TRPC4: variants seen among roughly 807,000 people sequenced by gnomAD.
TRPC4 encodes transient receptor potential cation channel subfamily C member 4, also known as short transient receptor potential channel 4.
TRPC4 carries 49 observed loss-of-function variants against 99.4 expected under a neutral mutation model. That is an observed-to-expected ratio of 0.49 (90% confidence interval 0.39 to 0.63). The LOEUF (loss-of-function observed/expected upper bound fraction) is 0.63, where lower values mean the gene tolerates loss of function less well. TRPC4 is among the 20% of genes least tolerant of loss of function. TRPC4 has a pLI of 0.00. For missense variants in TRPC4, 898 were observed against 1,152.9 expected (o/e 0.78, Z 3.20); for synonymous variants, 454 against 425.9 (o/e 1.07, Z -0.81).
chr13:37,642,721 T>G (rs9547989), intron 8 of TRPC4, among the ~76,000 whole-genome samples: 135 of 150,506 alleles, frequency 9.0e-4, no homozygotes, highest in Non-Finnish European at 1.8e-3. Flanking sequence ...TATGGAAATA[T>G]GATTCTTTCT....
intron 1 of TRPC4, among the ~76,000 whole-genome samples, chr13:37,822,201 C>T (rs1958032708): frequency 1.3e-5 from 2 of 152,094 alleles, no homozygotes; most frequent in Non-Finnish European, 2.9e-5. Context: ...TGAAAGAAGG[C>T]TCAACATCAC....
intron 8 of TRPC4, among the ~76,000 whole-genome samples, chr13:37,643,631 A>G (rs766723220): frequency 1.9e-4 from 29 of 152,202 alleles, no homozygotes; most frequent in Non-Finnish European, 3.1e-4. Flanking sequence ...TTCTGGCAGG[A>G]TAGTTGCAAA....
intron 3 of TRPC4, among the ~76,000 whole-genome samples, chr13:37,728,146 G>A (rs2139068740): frequency 6.6e-6 from 1 of 151,916 alleles, no homozygotes; most frequent in Admixed American, 6.6e-5. Context: ...CGAGGTGCCT[G>A]CTGTCACTGC....
intron 1 of TRPC4, among the ~76,000 whole-genome samples, chr13:37,855,710 C>A (rs1959167759): frequency 6.6e-6 from 1 of 151,652 alleles, no homozygotes; most frequent in African/African-American, 2.4e-5. Flanking sequence ...AATAAAACTA[C>A]AAATCAATAA....
At chr13:37,790,244 G>A (rs919970039) in intron 1 of TRPC4, among the ~76,000 whole-genome samples, 2 of 152,000 alleles carry the variant, frequency 1.3e-5, no homozygotes, top group Admixed American at 1.3e-4. Context: ...TATTAGTAAT[G>A]ACCAACAACT....
chr13:37,865,182 A>G lies in TRPC4; in HGVS notation c.-28+4413T>C, dbSNP rs188153485. ...GATGCATGAATGAGAGCTCCTCTCAAATACCAAGGGACATTAAAATAATTG... is the reference window on the plus strand; with the variant it reads ...GATGCATGAATGAGAGCTCCTCTCAGATACCAAGGGACATTAAAATAATTG... On this transcript the variant is annotated intron_variant, in intron 1 of 10. Transcript: ENST00000379705. 2.0e-5 allele frequency among the ~76,000 whole-genome samples: 3 copies of G among 151,858 alleles called. No homozygotes were observed. The East Asian group carries it at 5.8e-4, about 29-fold the overall frequency.
chr13:37,836,692 G>T (rs918001561), intron 1 of TRPC4, among the ~76,000 whole-genome samples: 10 of 152,172 alleles, frequency 6.6e-5, no homozygotes, highest in Admixed American at 6.5e-5. Flanking sequence ...GGAAAATGGA[G>T]CCTAAAAGTT....
chr13:37,741,935 A>G (rs1955602646), intron 3 of TRPC4, among the ~76,000 whole-genome samples: 1 of 15,666 alleles, frequency 6.4e-5, no homozygotes, highest in African/African-American at 8.9e-4. Flanking sequence ...TTTTTTCATG[A>G]AAAAAAAAAA....
Position 37,637,257 on chromosome 13 carries a change from A to G in TRPC4, c.2580T>C (p.Asn860=), listed in dbSNP as rs1341256574. 1.2e-6 allele frequency: 2 copies of G among 1,613,740 alleles called. No individual in the cohort carries two copies. Among genetic ancestry groups the G allele is most frequent in the African/African-American group, 1.3e-5 (1 of 74,896 alleles). Residue 860 remains asparagine, a synonymous_variant, in exon 11 of 11, where the codon AAT becomes AAC. Coordinates refer to ENST00000379705, the MANE Select transcript of TRPC4 (RefSeq NM_016179.4). The part of the protein sequence containing the change: ...RRSKQNAAEQ[N]ANQIFSVSEE... ...CTGAAACAGAGAAGATTTGGTTTGCATTTTGCTCAGCAGCATTTTGTTTTG... is the reference window on the plus strand; with the variant it reads ...CTGAAACAGAGAAGATTTGGTTTGCGTTTTGCTCAGCAGCATTTTGTTTTG...
chr13:37,802,177 T>C (rs1957423653), intron 1 of TRPC4, among the ~76,000 whole-genome samples: 1 of 152,144 alleles, frequency 6.6e-6, no homozygotes, highest in Non-Finnish European at 1.5e-5. Context: ...AGTTTCCTTA[T>C]GCCTTTTAGC....
At chr13:37,867,143 T>C (rs1959814371) in intron 1 of TRPC4, among the ~76,000 whole-genome samples, 1 of 151,952 alleles carries the variant, frequency 6.6e-6, no homozygotes, top group African/African-American at 2.4e-5. Flanking sequence ...AATACAACAA[T>C]CATATTTTCA....
intron 4 of TRPC4, among the ~76,000 whole-genome samples, chr13:37,682,364 A>G (rs1953278146): frequency 6.6e-6 from 1 of 152,158 alleles, no homozygotes; most frequent in Admixed American, 6.5e-5. Context: ...TGATTTTCAA[A>G]TCAGGGAATA....
At chr13:37,867,225 T>C (rs942345) in intron 1 of TRPC4, among the ~76,000 whole-genome samples, 98,750 of 151,704 alleles carry the variant, frequency 0.65, 32,352 homozygotes, top group Admixed American at 0.72. Flanking sequence ...TCTTTACTTA[T>C]ATATCTATAC....
At chr13:37,710,267 C>T (rs1055240285) in intron 3 of TRPC4, among the ~76,000 whole-genome samples, 11 of 151,838 alleles carry the variant, frequency 7.2e-5, no homozygotes, top group African/African-American at 2.7e-4. Flanking sequence ...AATCAATGAT[C>T]CCCGGCTTAA....
intron 2 of TRPC4, among the ~76,000 whole-genome samples, chr13:37,777,081 CA>C (rs1354998078): frequency 4.0e-5 from 6 of 151,594 alleles, no homozygotes; most frequent in East Asian, 2.0e-4. Context: ...CTACATATGT[CA>C]AAAAAAATCT....
chr13:37,786,991 T>C (rs1956986796), intron 1 of TRPC4, among the ~76,000 whole-genome samples: 1 of 152,042 alleles, frequency 6.6e-6, no homozygotes, highest in Admixed American at 6.6e-5. Flanking sequence ...TCACTAAGTA[T>C]GAAAACTACA....
intron 2 of TRPC4, among the ~76,000 whole-genome samples, chr13:37,766,758 C>T (rs1269052268): frequency 6.6e-6 from 1 of 151,422 alleles, no homozygotes; most frequent in African/African-American, 2.4e-5. Context: ...GAACTAGCCA[C>T]ATGGCCTTGA....
At chr13:37,735,759 T>TA (rs1339570693) in intron 3 of TRPC4, among the ~76,000 whole-genome samples, 2 of 152,204 alleles carry the variant, frequency 1.3e-5, no homozygotes, top group African/African-American at 4.8e-5. Flanking sequence ...AGCTGCATCA[T>TA]AAAGAGCTGC....
intron 1 of TRPC4, among the ~76,000 whole-genome samples, chr13:37,835,773 T>C (rs2139613302): frequency 6.6e-6 from 1 of 152,366 alleles, no homozygotes; most frequent in East Asian, 1.9e-4. Flanking sequence ...ATGTACAGCA[T>C]ACTCGTATGC....
Sources: gnomAD v4.1 joint callset for allele counts (sites outside exome capture counted in the v4.1 genomes callset) on GRCh38, gnomAD v4.1.1 for gene constraint, MANE v1.5 for transcripts, NCBI Gene and HGNC (gene_info 2026-07-23, HGNC 2026-07-21) for gene names.